The following FTO variants were observed in gnomAD, a reference collection of about 807,000 sequenced individuals.
FTO encodes alpha-ketoglutarate-dependent dioxygenase FTO.
In FTO, 47 loss-of-function variants were observed where a neutral mutation model predicts 63.9. The observed-to-expected ratio is 0.74, with a 90% CI of 0.58 to 0.94. The LOEUF is 0.94. Ranked by LOEUF, FTO falls within the 40% of genes least tolerant of loss-of-function variation. FTO has a pLI of 0.00. For missense variants in FTO, 562 were observed against 618.1 expected, an observed-to-expected ratio of 0.91 and a Z score of 0.96; for synonymous variants, 207 against 224.4, an observed-to-expected ratio of 0.92 and a Z score of 0.69.
intron 4 of FTO, among the ~76,000 whole-genome samples, chr16:53,867,493 A>ATGTGTG (rs150516029): frequency 0.013 from 1,868 of 140,410 alleles, 36 homozygotes; most frequent in African/African-American, 0.045. Context: ...TACGCCACAT[A>ATGTGTG]TGTGTGTGTG....
intron 4 of FTO, 111 bp downstream of exon 4, chr16:53,844,409 T>A: frequency 4.3e-6 from 4 of 924,944 alleles, no homozygotes; most frequent in Middle Eastern, 3.3e-4. Flanking sequence ...TATTTTATAT[T>A]AAGAGCGAAA....
intron 1 of FTO, among the ~76,000 whole-genome samples, chr16:53,760,438 G>GT (rs2077038449): frequency 6.6e-6 from 1 of 151,484 alleles, no homozygotes; most frequent in African/African-American, 2.4e-5. Context: ...TAGGGATGGG[G>GT]TTTTGCCATG....
intron 4 of FTO, among the ~76,000 whole-genome samples, chr16:53,847,944 A>G (rs1419062620): frequency 6.6e-6 from 1 of 152,190 alleles, no homozygotes; most frequent in Non-Finnish European, 1.5e-5. Context: ...CCAAGACATA[A>G]TATAAAATCT....
At chr16:53,716,318 G>A (rs1420125009) in intron 1 of FTO, among the ~76,000 whole-genome samples, 1 of 152,176 alleles carries the variant, frequency 6.6e-6, no homozygotes, top group Non-Finnish European at 1.5e-5. Flanking sequence ...CTACTTGAAA[G>A]GAGATAGTGC....
intron 8 of FTO, among the ~76,000 whole-genome samples, chr16:54,030,855 T>C (rs2084811918): frequency 6.6e-6 from 1 of 152,200 alleles, no homozygotes; most frequent in South Asian, 2.1e-4. Flanking sequence ...GTCAAATGCA[T>C]TTACAGATTC....
At chr16:53,804,575 C>T (rs1301825204) in intron 1 of FTO, among the ~76,000 whole-genome samples, 1 of 150,868 alleles carries the variant, frequency 6.6e-6, no homozygotes, top group East Asian at 1.9e-4. Flanking sequence ...TTATCTAAAG[C>T]AAATATGGTA....
chr16:53,753,362 T>C (rs1006597553), intron 1 of FTO, among the ~76,000 whole-genome samples: 1 of 150,982 alleles, frequency 6.6e-6, no homozygotes, highest in Non-Finnish European at 1.5e-5. Flanking sequence ...GATTAAAATA[T>C]GAAAATGTTA....
At chr16:54,084,818 C>T (rs2086225280) in intron 8 of FTO, among the ~76,000 whole-genome samples, 1 of 152,112 alleles carries the variant, frequency 6.6e-6, no homozygotes, top group Admixed American at 6.6e-5. Flanking sequence ...ATGGCATGAC[C>T]TGCCATGCTG....
intron 7 of FTO, among the ~76,000 whole-genome samples, chr16:53,925,390 A>G (rs2082115307): frequency 6.6e-6 from 1 of 152,110 alleles, no homozygotes; most frequent in Non-Finnish European, 1.5e-5. Flanking sequence ...GGATGGGTAG[A>G]TGGGGAGGTC....
intron 2 of FTO, among the ~76,000 whole-genome samples, chr16:53,824,888 C>G (rs976807037): frequency 6.6e-6 from 1 of 152,236 alleles, no homozygotes; most frequent in Non-Finnish European, 1.5e-5. Flanking sequence ...AAACTCCAGT[C>G]TGACACCGAT....
chr16:54,006,396 C>T (rs1256836759), intron 8 of FTO, among the ~76,000 whole-genome samples: 1 of 152,150 alleles, frequency 6.6e-6, no homozygotes, highest in Non-Finnish European at 1.5e-5. Flanking sequence ...GATGGTAGTT[C>T]AAGCAGTCTT....
chr16:53,786,765 G>A (rs1355479747), intron 1 of FTO, among the ~76,000 whole-genome samples: 1 of 152,102 alleles, frequency 6.6e-6, no homozygotes, highest in Admixed American at 6.5e-5. Context: ...CCTACTGTTT[G>A]GACATAAGAT....
At chr16:53,730,650 A>G (rs1439334142) in intron 1 of FTO, among the ~76,000 whole-genome samples, 2 of 152,054 alleles carry the variant, frequency 1.3e-5, no homozygotes, top group Non-Finnish European at 2.9e-5. Context: ...GTGCACCACC[A>G]TGCCCGGCTA....
rs1465364734 is a variant in FTO, at chr16:53,704,181, C to T, written c.-4C>T. 1.3e-6 allele frequency: 2 copies of T among 1,551,206 alleles called. No homozygotes were observed. On this transcript the variant is annotated 5_prime_UTR_variant, in exon 1 of 9. Transcript: ENST00000471389. ...GCGGTGGCGAAGGCGGCTTTAGTGG[C>T]AGCATGAAGCGCACCCCGACTGCCG...
At position 53,879,999 on chromosome 16, in the gene FTO, CTTTT is replaced by C; in HGVS notation, c.1119+22_1119+25del. The C allele has an allele frequency of 1.6e-6, 2 of 1,264,860 alleles. No homozygotes were observed. The highest frequency in any genetic ancestry group is 2.2e-6 in the Non-Finnish European group (2 of 899,188). The allele number at this position is 1,264,860 out of a possible 1,614,324, so 78.4% of individuals were successfully genotyped here. A position where few individuals can be genotyped will look rare whatever the true frequency, so the allele number is the denominator to read the frequency against. On this transcript the variant is annotated intron_variant, in intron 6 of 8. Coordinates refer to ENST00000471389, the MANE Select transcript of FTO (RefSeq NM_001080432.3). The stretch of plus-strand genomic sequence containing the variant: ...AAATTCATAATGAGGTAAGGACTTT[CTTTT>C]TTTTTTTTTGAGATGGAGTCTCGCT...
chr16:53,970,055 G>C (rs940073086), intron 8 of FTO, among the ~76,000 whole-genome samples: 5 of 152,130 alleles, frequency 3.3e-5, no homozygotes, highest in Non-Finnish European at 7.4e-5. Context: ...TGTGGCCAAT[G>C]GTTCTTTTGT....
intron 8 of FTO, chr16:53,937,379 T>TA (rs1338724794): frequency 2.5e-6 from 1 of 397,326 alleles, no homozygotes; most frequent in African/African-American, 2.1e-5. Flanking sequence ...CAGCTTGTTA[T>TA]AGCTTTTAAA....
intron 8 of FTO, among the ~76,000 whole-genome samples, chr16:54,029,155 A>G (rs559885763): frequency 1.3e-5 from 2 of 152,342 alleles, no homozygotes; most frequent in South Asian, 4.1e-4. Flanking sequence ...ACCATATGGG[A>G]AAACTCATTT....
At chr16:54,085,496 C>G (rs2086238497) in intron 8 of FTO, among the ~76,000 whole-genome samples, 1 of 152,156 alleles carries the variant, frequency 6.6e-6, no homozygotes. Flanking sequence ...CCCTCCATGG[C>G]CAAAATCATA....
Sources: gnomAD v4.1 joint callset for allele counts (sites outside exome capture counted in the v4.1 genomes callset) on GRCh38, gnomAD v4.1.1 for gene constraint, MANE v1.5 for transcripts, NCBI Gene and HGNC (gene_info 2026-07-23, HGNC 2026-07-21) for gene names.